The following PDZRN4 variants were observed in gnomAD, a reference collection of about 807,000 sequenced individuals.
PDZRN4 encodes the protein PDZ domain-containing RING finger protein 4.
A neutral mutation model predicts 99.0 loss-of-function variants in PDZRN4; 70 were observed. That is an observed-to-expected ratio of 0.71 (90% CI 0.58 to 0.86). The LOEUF is 0.86. Ranked by LOEUF, PDZRN4 falls within the 40% of genes least tolerant of loss-of-function variation. The pLI is 0.00. For missense variants in PDZRN4, 1,474 were observed against 1,331.2 expected, an observed-to-expected ratio of 1.11 and a Z score of -1.67; for synonymous variants, 551 against 501.6, an observed-to-expected ratio of 1.10 and a Z score of -1.32.
chr12:41,252,032 A>G (rs576339340), intron 3 of PDZRN4, among the ~76,000 whole-genome samples: 47 of 152,132 alleles, frequency 3.1e-4, no homozygotes, highest in African/African-American at 1.1e-3. Flanking sequence ...GGGAGGATTG[A>G]TTGAGCCCAG....
At chr12:41,456,585 A>G (rs571354292) in intron 3 of PDZRN4, among the ~76,000 whole-genome samples, 3 of 152,328 alleles carry the variant, frequency 2.0e-5, no homozygotes, top group South Asian at 4.1e-4. Context: ...TGGTTGGCCT[A>G]AAACAAGTGT....
At chr12:41,557,971 G>A (rs1199368217) in intron 7 of PDZRN4, among the ~76,000 whole-genome samples, 1 of 152,140 alleles carries the variant, frequency 6.6e-6, no homozygotes, top group African/African-American at 2.4e-5. Context: ...AATGAAACCA[G>A]GGTATTCAGT....
intron 3 of PDZRN4, among the ~76,000 whole-genome samples, chr12:41,232,276 C>T (rs1164211467): frequency 6.6e-6 from 1 of 152,018 alleles, no homozygotes; most frequent in African/African-American, 2.4e-5. Flanking sequence ...TAAGGTGATG[C>T]TCATGTAGCC....
chr12:41,492,777 G>C (rs757799823), intron 3 of PDZRN4, among the ~76,000 whole-genome samples: 13 of 152,044 alleles, frequency 8.6e-5, no homozygotes, highest in Non-Finnish European at 1.9e-4. Context: ...AAGTCACTCA[G>C]GGATAGCTAT....
intron 3 of PDZRN4, among the ~76,000 whole-genome samples, chr12:41,398,069 G>A (rs1017704285): frequency 6.6e-6 from 1 of 152,084 alleles, no homozygotes; most frequent in Non-Finnish European, 1.5e-5. Flanking sequence ...GGTATAAAAT[G>A]TTTCCAGTAA....
intron 3 of PDZRN4, among the ~76,000 whole-genome samples, chr12:41,397,440 C>T (rs866220542): frequency 6.6e-6 from 1 of 152,138 alleles, no homozygotes; most frequent in African/African-American, 2.4e-5. Flanking sequence ...TTATAACAAG[C>T]TGGAATAAAA....
At chr12:41,251,317 A>G (rs1331987972) in intron 3 of PDZRN4, among the ~76,000 whole-genome samples, 1 of 152,192 alleles carries the variant, frequency 6.6e-6, no homozygotes, top group African/African-American at 2.4e-5. Context: ...AAAAATTGAT[A>G]TGGTAATCTG....
chr12:41,263,380 C>A (rs1951255860), intron 3 of PDZRN4, among the ~76,000 whole-genome samples: 1 of 152,030 alleles, frequency 6.6e-6, no homozygotes, highest in East Asian at 1.9e-4. Context: ...TGGTGAAACC[C>A]CGCCTCTACT....
At chr12:41,401,412 G>A (rs1275380260) in intron 3 of PDZRN4, among the ~76,000 whole-genome samples, 1 of 152,054 alleles carries the variant, frequency 6.6e-6, no homozygotes, top group African/African-American at 2.4e-5. Flanking sequence ...CACTTACATT[G>A]TGCTGTATAC....
intron 3 of PDZRN4, among the ~76,000 whole-genome samples, chr12:41,397,127 A>T (rs1400582015): frequency 1.3e-5 from 2 of 152,194 alleles, no homozygotes; most frequent in East Asian, 3.9e-4. Flanking sequence ...ATAAATGCTT[A>T]ATTGTTTTAA....
At chr12:41,516,032 C>T (rs569349094) in intron 5 of PDZRN4, among the ~76,000 whole-genome samples, 9 of 152,004 alleles carry the variant, frequency 5.9e-5, no homozygotes, top group Non-Finnish European at 2.9e-5. Context: ...TGCCTTTGCT[C>T]ATGGGCTGCT....
chr12:41,258,573 G>A (rs1951217928), intron 3 of PDZRN4, among the ~76,000 whole-genome samples: 1 of 152,072 alleles, frequency 6.6e-6, no homozygotes, highest in South Asian at 2.1e-4. Flanking sequence ...TAAAATACAT[G>A]ATGAAAATAC....
intron 5 of PDZRN4, among the ~76,000 whole-genome samples, chr12:41,524,318 A>T (rs1592096786): frequency 6.6e-6 from 1 of 152,212 alleles, no homozygotes; most frequent in East Asian, 1.9e-4. Context: ...AATTCCTATC[A>T]AAATCCCAAT....
At chr12:41,542,152 G>A (rs1413210618) in intron 5 of PDZRN4, among the ~76,000 whole-genome samples, 1 of 152,200 alleles carries the variant, frequency 6.6e-6, no homozygotes, top group African/African-American at 2.4e-5. Flanking sequence ...GTCAAAAGAA[G>A]GTTGTTAACA....
At chr12:41,526,995 C>CA (rs1256370463) in intron 5 of PDZRN4, among the ~76,000 whole-genome samples, 2 of 151,960 alleles carry the variant, frequency 1.3e-5, no homozygotes, top group Non-Finnish European at 2.9e-5. Flanking sequence ...ATTGGTAAGC[C>CA]AAAATAAATA....
chr12:41,242,887 T>C (rs1264490086), intron 3 of PDZRN4, among the ~76,000 whole-genome samples: 1 of 152,220 alleles, frequency 6.6e-6, no homozygotes, highest in Non-Finnish European at 1.5e-5. Context: ...GCACTCAGCA[T>C]AGCCACTGCC....
At chr12:41,469,467 AC>A (rs1255772318) in intron 3 of PDZRN4, among the ~76,000 whole-genome samples, 2 of 152,198 alleles carry the variant, frequency 1.3e-5, no homozygotes, top group African/African-American at 4.8e-5. Context: ...AAACACAGTG[AC>A]TTGTACTGCT....
rs182810610 is a variant in PDZRN4, at chr12:41,285,232, A to G, written c.843+91044A>G. On this transcript the variant is annotated intron_variant, in intron 3 of 9. Coordinates refer to ENST00000402685, the MANE Select transcript of PDZRN4 (RefSeq NM_001164595.2). ...AGACACTTCTCAAAAGAAGACATTT[A>G]TGTGGCTAACAAACATATGAAAAGA... 5.0e-3 allele frequency among the ~76,000 whole-genome samples: 768 copies of G among 152,332 alleles called. 7 individuals are homozygous for G. The highest frequency in any genetic ancestry group is 0.034 in the Middle Eastern group (10 of 294).
intron 3 of PDZRN4, among the ~76,000 whole-genome samples, chr12:41,218,710 A>G (rs914872315): frequency 6.6e-6 from 1 of 152,108 alleles, no homozygotes; most frequent in East Asian, 1.9e-4. Flanking sequence ...CACTTTCAGC[A>G]AATATATAAC....
Sources: allele counts gnomAD v4.1 joint callset (sites outside exome capture counted in the v4.1 genomes callset), GRCh38; gene constraint gnomAD v4.1.1; transcripts MANE v1.5; gene names NCBI Gene and HGNC (gene_info 2026-07-23, HGNC 2026-07-21).